The following NCR3LG1 variants were observed in gnomAD, a reference collection of about 807,000 sequenced individuals.
NCR3LG1 encodes the protein natural killer cell cytotoxicity receptor 3 ligand 1, also known as natural cytotoxicity triggering receptor 3 ligand 1.
Under a neutral mutation model 34.8 loss-of-function variants are expected in NCR3LG1, and 35 were observed. That is an observed-to-expected ratio of 1.01 (90% confidence interval 0.77 to 1.33). NCR3LG1 has a LOEUF of 1.33. Ranked by LOEUF, NCR3LG1 falls within the 40% of genes most tolerant of loss-of-function variation. The probability of loss-of-function intolerance (pLI) is 0.00; values close to 1 mark genes in which losing one functional copy is unlikely to be tolerated. For missense variants in NCR3LG1, 452 were observed against 423.3 expected, an observed-to-expected ratio of 1.07 and a Z score of -0.60; for synonymous variants, 173 against 163.6, an observed-to-expected ratio of 1.06 and a Z score of -0.44.
In NCR3LG1 at chr11:17,356,843, C is replaced by T. The variant is rs1412077262; in HGVS notation, c.263C>T (p.Ala88Val). The change falls in exon 2 of 5, where the codon GCA (alanine) becomes GTA (valine). Residue 88 changes from alanine to valine, a missense_variant. Ala to Val is a moderately conservative substitution (Grantham distance 64). Transcript: ENST00000338965. ...GAATTTTTTGGAGATCACCAAGAGGCATTCCGACCTGGAGCCATTGTGTCT... is the reference window on the plus strand; with the variant it reads ...GAATTTTTTGGAGATCACCAAGAGGTATTCCGACCTGGAGCCATTGTGTCT... ...VFEFFGDHQE[A>V]FRPGAIVSPW... 6.5e-6 allele frequency: 10 copies of T among 1,536,150 alleles called. 1 individual carries two copies. The highest frequency in any genetic ancestry group is 4.1e-5 in the African/African-American group (3 of 73,164).
chr11:17,354,630 A>G (rs1384226108), intron 1 of NCR3LG1, among the ~76,000 whole-genome samples: 2 of 131,598 alleles, frequency 1.5e-5, no homozygotes, highest in African/African-American at 5.9e-5. Flanking sequence ...TGGCTGTTTC[A>G]TATCCTTGGT....
At chr11:17,379,987 A>G (rs1417893294), downstream of NCR3LG1, among the ~76,000 whole-genome samples, 3 of 152,086 alleles carry the variant, frequency 2.0e-5, no homozygotes, top group Non-Finnish European at 4.4e-5. Flanking sequence ...AGCTGGTGCC[A>G]TGCTCTCCCC....
At chr11:17,352,324 G>A (rs1403044876) in intron 1 of NCR3LG1, among the ~76,000 whole-genome samples, 1 of 151,992 alleles carries the variant, frequency 6.6e-6, no homozygotes, top group Non-Finnish European at 1.5e-5. Flanking sequence ...GGGACCACAG[G>A]CGCCCGCCAC....
chr11:17,362,760 CTTTCT>C (rs1564856530), intron 2 of NCR3LG1, among the ~76,000 whole-genome samples: 105 of 120,816 alleles, frequency 8.7e-4, no homozygotes, highest in East Asian at 5.1e-3. Context: ...TTCTTTCTTT[CTTTCT>C]TTCCTTCCTT....
At chr11:17,353,520 C>T (rs1953165122) in intron 1 of NCR3LG1, among the ~76,000 whole-genome samples, 1 of 152,226 alleles carries the variant, frequency 6.6e-6, no homozygotes, top group Non-Finnish European at 1.5e-5. Flanking sequence ...GCTGCCGCCG[C>T]GCCCACCCGG....
At chr11:17,380,861 G>T (rs1174778359), downstream of NCR3LG1, 1 of 152,190 alleles carries the variant, frequency 6.6e-6, no homozygotes, top group Non-Finnish European at 1.5e-5. Context: ...GTTAAATATT[G>T]AAGTGTTTGG....
chr11:17,356,965 C>T lies in NCR3LG1; in HGVS notation c.385C>T (p.Leu129=), dbSNP rs1353827933. Reference sequence around the variant, plus strand: ...CCGATGTGAGGTGGTGGTCACCCCTCTGAAGGCACAGGGAACAGTCCAGCT... The same window carrying T: ...CCGATGTGAGGTGGTGGTCACCCCTTTGAAGGCACAGGGAACAGTCCAGCT... ...EYRCEVVVTP[L]KAQGTVQLEV... The change falls in exon 2 of 5, where the codon CTG becomes TTG. Residue 129 remains leucine, a synonymous_variant. Coordinates refer to ENST00000338965, the MANE Select transcript of NCR3LG1 (RefSeq NM_001202439.3). 37 of 1,534,368 alleles carry T rather than the reference C, an allele frequency of 2.4e-5. No homozygotes were observed. The South Asian group carries it at 4.1e-4, about 17-fold the overall frequency.
In NCR3LG1 at chr11:17,364,268, C is replaced by G. The variant is rs998027936; in HGVS notation, c.422-2741C>G. ...GGAGTGCAATGGCGGGATCTTGGCT[C>G]AATGCAACCTCTGCTTCCCAGGTTC... On this transcript the variant is annotated intron_variant, in intron 2 of 4. Transcript: ENST00000338965. 5.9e-5 allele frequency among the ~76,000 whole-genome samples: 9 copies of G among 152,202 alleles called. No homozygotes were observed. The South Asian group carries it at 8.3e-4, about 14-fold the overall frequency.
In NCR3LG1 at chr11:17,368,932, G is replaced by C; in HGVS notation, c.826G>C (p.Val276Leu). 6.5e-7 allele frequency: 1 copy of C among 1,534,718 alleles called. No homozygotes were observed. Among genetic ancestry groups the C allele is most frequent in the Non-Finnish European group, 8.7e-7 (1 of 1,145,718 alleles). ...WPISFIGVGL[V>L]LLIVLIPWKK... is the part of the protein sequence containing the mutation. The stretch of plus-strand genomic sequence containing the variant: ...TATTTCATTCATTGGTGTTGGACTG[G>C]TTTTATTAATTGTTTTGATTCCTTG... The change falls in exon 4 of 5, where the codon GTT (valine) becomes CTT (leucine). Residue 276 changes from valine (V) to leucine (L), a missense_variant. Val to Leu is a conservative substitution (Grantham distance 32). Coordinates refer to ENST00000338965, the MANE Select transcript of NCR3LG1 (RefSeq NM_001202439.3).
intron 2 of NCR3LG1, among the ~76,000 whole-genome samples, chr11:17,366,337 G>A (rs866795125): frequency 1.3e-5 from 2 of 152,150 alleles, no homozygotes; most frequent in Non-Finnish European, 2.9e-5. Context: ...GAAAGAGACA[G>A]TCTTTTAAGA....
rs1271302470 is a variant in NCR3LG1 at position 17,377,288 on chromosome 11, A to G, written c.*4776A>G. The G allele has an allele frequency of 6.7e-6, 1 of 149,744 alleles. No individual in the cohort carries two copies. The highest frequency in any genetic ancestry group is 1.5e-5 in the Non-Finnish European group (1 of 67,632). 9.3% of individuals were successfully genotyped at this position (149,744 alleles called of 1,614,324 possible). ...GGTCAGGAGTTCAAGACTAGCCTGG[A>G]CAATATGGTGAAACCCCGTCTGTAC... On this transcript the variant is annotated 3_prime_UTR_variant, in exon 5 of 5. Transcript: ENST00000338965.
rs1012151873 is a variant in NCR3LG1 at position 17,369,013 on chromosome 11, A to C, written c.858+49A>C. 2.4e-6 allele frequency: 3 copies of C among 1,262,530 alleles called. No homozygotes were observed. In the African/African-American group the frequency reaches 4.6e-5, roughly 19 times the overall value. 78.2% of individuals were successfully genotyped at this position (1,262,530 alleles called of 1,614,324 possible). ...CAGCCCTGTGTCTTGGGCTAGTAAA[A>C]AGCTTTTAGAGCAGCTGCTGCCAAC... On this transcript the variant is annotated intron_variant, in intron 4 of 4. Transcript: ENST00000338965.
At chr11:17,379,757 T>TG (rs2133373459), downstream of NCR3LG1, among the ~76,000 whole-genome samples, 1 of 152,312 alleles carries the variant, frequency 6.6e-6, no homozygotes, top group Admixed American at 6.5e-5. Context: ...AAATATTACA[T>TG]TAATATTTAA....
intron 1 of NCR3LG1, among the ~76,000 whole-genome samples, chr11:17,353,595 G>A (rs1387497183): frequency 1.3e-5 from 2 of 152,228 alleles, no homozygotes; most frequent in Non-Finnish European, 2.9e-5. Context: ...TTGGGTCCCC[G>A]CCACTTTCGT....
rs1395077065 is a variant in NCR3LG1 at position 17,367,046 on chromosome 11, C to T, written c.459C>T (p.Gly153=). 6 of 1,534,882 alleles carry T rather than the reference C, an allele frequency of 3.9e-6. No individual in the cohort carries two copies. Among genetic ancestry groups the T allele is most frequent in the South Asian group, 2.4e-5 (2 of 84,032 alleles). ...PASRLLLDQV[G]MKENEDKYMC... The stretch of plus-strand genomic sequence containing the variant: ...GCAGATTGTTGCTGGATCAAGTGGG[C>T]ATGAAAGAGAATGAAGACAAATATA... The change falls in exon 3 of 5, where the codon GGC becomes GGT. Residue 153 remains glycine, a synonymous_variant. Coordinates refer to ENST00000338965, the MANE Select transcript of NCR3LG1 (RefSeq NM_001202439.3).
intron 3 of NCR3LG1, among the ~76,000 whole-genome samples, chr11:17,367,699 C>T (rs1425145753): frequency 2.6e-5 from 4 of 152,108 alleles, no homozygotes; most frequent in South Asian, 2.1e-4. Flanking sequence ...GTATCCTACC[C>T]GTGTTCCCTG....
intron 2 of NCR3LG1, among the ~76,000 whole-genome samples, chr11:17,365,886 TTA>T (rs1953339702): frequency 6.6e-6 from 1 of 152,244 alleles, no homozygotes; most frequent in Non-Finnish European, 1.5e-5. Flanking sequence ...TTCTACTGGT[TTA>T]TGACTCCAGC....
chr11:17,362,732 C>CTTTCTTTCT (rs1953289783), intron 2 of NCR3LG1, among the ~76,000 whole-genome samples: 1 of 102,658 alleles, frequency 9.7e-6, no homozygotes, highest in Non-Finnish European at 1.8e-5. Context: ...TTCTTTCTTT[C>CTTTCTTTCT]TTTCTTTCTT....
chr11:17,355,825 TCTCA>T (rs752934291), intron 1 of NCR3LG1, among the ~76,000 whole-genome samples: 1 of 152,086 alleles, frequency 6.6e-6, no homozygotes, highest in Non-Finnish European at 1.5e-5. Context: ...TGAGACAGAG[TCTCA>T]CTCTGTCACT....
Sources: gnomAD v4.1 joint callset for allele counts (sites outside exome capture counted in the v4.1 genomes callset) on GRCh38, gnomAD v4.1.1 for gene constraint, MANE v1.5 for transcripts, NCBI Gene and HGNC (gene_info 2026-07-23, HGNC 2026-07-21) for gene names.